Variants in GABRA4 observed in about 807,000 individuals in gnomAD.
GABRA4 encodes the protein gamma-aminobutyric acid receptor subunit alpha-4.
Under a neutral mutation model 49.7 loss-of-function variants are expected in GABRA4, and 12 were observed. That is an observed-to-expected ratio of 0.24 (90% CI 0.15 to 0.39). The LOEUF (loss-of-function observed/expected upper bound fraction) is 0.39. GABRA4 is among the 10% of genes least tolerant of loss of function. GABRA4 has a pLI of 1.00. For synonymous variants in GABRA4, 288 were observed against 240.2 expected, an observed-to-expected ratio of 1.20 and a Z score of -1.84; for missense variants, 506 against 686.0, an observed-to-expected ratio of 0.74 and a Z score of 2.93.
rs1173024793 is a variant in GABRA4, at chr4:46,971,168, G to A, written c.789C>T (p.Thr263=). 6.2e-7 allele frequency: 1 copy of A among 1,609,160 alleles called. No homozygotes were observed. ...TCACTGTCATAATGCACGGAATATAGGTCTGAATCATAAAATAACCCATCT... is the reference window on the plus strand; with the variant it reads ...TCACTGTCATAATGCACGGAATATAAGTCTGAATCATAAAATAACCCATCT... The part of the protein sequence containing the change: ...RRKMGYFMIQ[T]YIPCIMTVIL... The change falls in exon 7 of 9, where the codon ACC becomes ACT. Residue 263 remains threonine, a synonymous_variant. Transcript: ENST00000264318.
chr4:46,966,856 A>C (rs1425530712), intron 7 of GABRA4, among the ~76,000 whole-genome samples: 1 of 151,750 alleles, frequency 6.6e-6, no homozygotes, highest in East Asian at 1.9e-4. Flanking sequence ...CATTCTTATT[A>C]GTCTAAAATA....
At chr4:46,949,114 C>T (rs1722077778) in intron 8 of GABRA4, among the ~76,000 whole-genome samples, 1 of 152,064 alleles carries the variant, frequency 6.6e-6, no homozygotes, top group Admixed American at 6.6e-5. Context: ...TTCTCTGAAG[C>T]TTAGAAACTT....
In GABRA4 at chr4:46,927,535, A is replaced by G. The variant is rs1721270063; in HGVS notation, c.*690T>C. 6.6e-6 allele frequency: 1 copy of G among 152,556 alleles called. No homozygotes were observed. Among genetic ancestry groups the G allele is most frequent in the African/African-American group, 2.4e-5 (1 of 41,456 alleles). The allele number at this position is 152,556 out of a possible 1,614,324, so 9.5% of individuals were successfully genotyped here. A position where few individuals can be genotyped will look rare whatever the true frequency, so the allele number is the denominator to read the frequency against. Reference sequence around the variant, plus strand: ...CTGAATAACTATGTAGTAAATAAACACATAACTGAATGAACTACCATGAAA... The same window carrying G: ...CTGAATAACTATGTAGTAAATAAACGCATAACTGAATGAACTACCATGAAA... On this transcript the variant is annotated 3_prime_UTR_variant, in exon 9 of 9. Coordinates refer to ENST00000264318, the MANE Select transcript of GABRA4 (RefSeq NM_000809.4).
At chr4:46,937,266 A>G (rs1207131652) in intron 8 of GABRA4, among the ~76,000 whole-genome samples, 2 of 152,200 alleles carry the variant, frequency 1.3e-5, no homozygotes, top group African/African-American at 4.8e-5. Flanking sequence ...ACCCTGTTGG[A>G]ACCTTTATCT....
At position 46,919,321 on chromosome 4, in the gene GABRA4, G is replaced by A. The variant is rs925980329; in HGVS notation, c.*8904C>T. The A allele has an allele frequency of 6.6e-6, 1 of 151,230 alleles. No homozygotes were observed. The highest frequency in any genetic ancestry group is 1.5e-5 in the Non-Finnish European group (1 of 67,444). The allele number at this position is 151,230 out of a possible 1,614,324, so 9.4% of individuals were successfully genotyped here. On this transcript the variant is annotated 3_prime_UTR_variant, in exon 9 of 9. Transcript: ENST00000264318. ...AAATTTGCAAAAACAAAATAATAATGACTATGTGCTCCTCACTATAATATA... is the reference window on the plus strand; with the variant it reads ...AAATTTGCAAAAACAAAATAATAATAACTATGTGCTCCTCACTATAATATA...
intron 2 of GABRA4, among the ~76,000 whole-genome samples, chr4:46,984,730 C>G (rs1291513522): frequency 2.6e-5 from 4 of 151,882 alleles, no homozygotes; most frequent in African/African-American, 4.8e-5. Context: ...AAATTCAAAT[C>G]ATTTCACAAT....
chr4:46,928,744 G>A lies in GABRA4; in HGVS notation c.1146C>T (p.Ala382=). ...TTGTTCTTTTTCTCATGTTCAAATT[G>A]GCATTTGTATTCTGAAAAGGTATAT... The part of the protein sequence containing the change: ...HPEAPLQNTN[A]NLNMRKRTNA... The change falls in exon 9 of 9, where the codon GCC becomes GCT. Residue 382 remains alanine, a synonymous_variant. Transcript: ENST00000264318. 1.2e-6 allele frequency: 2 copies of A among 1,607,460 alleles called. No homozygotes were observed. Among genetic ancestry groups the A allele is most frequent in the Non-Finnish European group, 1.7e-6 (2 of 1,175,410 alleles).
At chr4:46,930,669 C>T (rs954720978) in intron 8 of GABRA4, among the ~76,000 whole-genome samples, 3 of 149,990 alleles carry the variant, frequency 2.0e-5, no homozygotes, top group African/African-American at 7.4e-5. Context: ...TAGTTGCATA[C>T]CATCTTCTTC....
intron 8 of GABRA4, among the ~76,000 whole-genome samples, chr4:46,949,830 T>C (rs768355514): frequency 2.0e-5 from 3 of 152,068 alleles, no homozygotes; most frequent in Non-Finnish European, 4.4e-5. Context: ...AAATTAGATA[T>C]TGAAAGCTAA....
At chr4:46,950,816 C>A (rs1026453273) in intron 8 of GABRA4, among the ~76,000 whole-genome samples, 4 of 151,940 alleles carry the variant, frequency 2.6e-5, no homozygotes, top group African/African-American at 9.7e-5. Flanking sequence ...CCAAGAAAAT[C>A]TCGTTTTTAC....
At chr4:46,957,301 G>A (rs1013335520) in intron 8 of GABRA4, among the ~76,000 whole-genome samples, 3 of 151,846 alleles carry the variant, frequency 2.0e-5, no homozygotes, top group South Asian at 4.1e-4. Flanking sequence ...TATCATAAGA[G>A]TACTTGAATT....
At chr4:46,985,981 A>G (rs1355014920) in intron 2 of GABRA4, among the ~76,000 whole-genome samples, 2 of 152,022 alleles carry the variant, frequency 1.3e-5, no homozygotes, top group Non-Finnish European at 2.9e-5. Flanking sequence ...TTGAAAAAAG[A>G]AAGGCAAACT....
chr4:46,968,395 G>A (rs1722840529), intron 7 of GABRA4, among the ~76,000 whole-genome samples: 1 of 150,860 alleles, frequency 6.6e-6, no homozygotes. Flanking sequence ...CACCCACAAA[G>A]CATCTTTAGC....
intron 1 of GABRA4, 123 bp downstream of exon 1, chr4:46,993,216 G>A: frequency 1.1e-6 from 1 of 882,328 alleles, no homozygotes; most frequent in Non-Finnish European, 1.9e-6. Flanking sequence ...TTCGGCCCCT[G>A]CTCTTACAGC....
chr4:46,928,613 C>A lies in GABRA4; in HGVS notation c.1277G>T (p.Arg426Leu), dbSNP rs369080252. The change falls in exon 9 of 9, where the codon CGG becomes CTG. Residue 426 changes from arginine to leucine, a missense_variant. Coordinates refer to ENST00000264318, the MANE Select transcript of GABRA4 (RefSeq NM_000809.4). ...VVQESSKGTP[R>L]SYLASSPNPF... ...GTTTGGACTGGAAGCTAAGTAAGAC[C>A]GAGGTGTGCCTTTAGAAGATTCTTG... The A allele has an allele frequency of 5.0e-6, 8 of 1,613,666 alleles. No individual in the cohort carries two copies. The highest frequency in any genetic ancestry group is 6.8e-6 in the Non-Finnish European group (8 of 1,179,768).
chr4:46,949,842 C>T (rs1722106339), intron 8 of GABRA4, among the ~76,000 whole-genome samples: 1 of 152,036 alleles, frequency 6.6e-6, no homozygotes, highest in African/African-American at 2.4e-5. Flanking sequence ...GAAAGCTAAT[C>T]AAGGAGAGAT....
intron 7 of GABRA4, among the ~76,000 whole-genome samples, chr4:46,967,276 A>G (rs1184236542): frequency 1.3e-5 from 2 of 151,602 alleles, no homozygotes; most frequent in African/African-American, 2.4e-5. Flanking sequence ...AAAATTCTAC[A>G]CACACCATAG....
chr4:46,985,414 T>G (rs1410116345), intron 2 of GABRA4, among the ~76,000 whole-genome samples: 4 of 151,960 alleles, frequency 2.6e-5, no homozygotes, highest in African/African-American at 9.7e-5. Flanking sequence ...TTTTAATAAA[T>G]GATTGAATAG....
In GABRA4 at chr4:46,928,449, A is replaced by T. The variant is rs1721314290; in HGVS notation, c.1441T>A (p.Ser481Thr). 2 of 1,613,640 alleles carry T rather than the reference A, an allele frequency of 1.2e-6. No individual in the cohort carries two copies. Among genetic ancestry groups the T allele is most frequent in the Non-Finnish European group, 1.7e-6 (2 of 1,179,714 alleles). The stretch of plus-strand genomic sequence containing the variant: ...GTGGTCTTTATCCTCTGCAGTCTTG[A>T]TCCAAACACGTGACGAGTAGAAGCA... Reference protein sequence around the residue: ...GSASTRHVFGSRLQRIKTTVN... With the variant: ...GSASTRHVFGTRLQRIKTTVN... The change falls in exon 9 of 9, where the codon TCA becomes ACA. Residue 481 changes from serine to threonine, a missense_variant. Physicochemically the swap from Ser to Thr is moderately conservative, Grantham distance 58. Transcript: ENST00000264318.
Sources: gnomAD v4.1 joint callset for allele counts (sites outside exome capture counted in the v4.1 genomes callset) on GRCh38, gnomAD v4.1.1 for gene constraint, MANE v1.5 for transcripts, NCBI Gene and HGNC (gene_info 2026-07-23, HGNC 2026-07-21) for gene names.